The following CTDSPL variants were observed in gnomAD, a reference collection of about 807,000 sequenced individuals.
CTDSPL encodes the protein CTD small phosphatase-like protein.
A neutral mutation model predicts 30.5 loss-of-function variants in CTDSPL; 8 were observed. The ratio of observed to expected loss-of-function variants is 0.26; its 90% CI spans 0.15 to 0.47. The LOEUF is 0.47. Ranked by LOEUF, CTDSPL falls within the 20% of genes least tolerant of loss-of-function variation. CTDSPL has a pLI of 0.99. For synonymous variants in CTDSPL, 110 were observed against 137.9 expected, an observed-to-expected ratio of 0.80 and a Z score of 1.42; for missense variants, 248 against 366.1, an observed-to-expected ratio of 0.68 and a Z score of 2.63.
chr3:37,866,911 G>A (rs1309181712), intron 1 of CTDSPL, among the ~76,000 whole-genome samples: 1 of 152,180 alleles, frequency 6.6e-6, no homozygotes, highest in Non-Finnish European at 1.5e-5. Context: ...TTTATTTGGA[G>A]ATAACTGTAA....
intron 1 of CTDSPL, among the ~76,000 whole-genome samples, chr3:37,945,269 G>T (rs1169086956): frequency 2.0e-5 from 3 of 150,254 alleles, no homozygotes; most frequent in African/African-American, 7.3e-5. Flanking sequence ...TCCCTATTTG[G>T]CATGTTCCAC....
chr3:37,916,790 T>C (rs1698654838), intron 1 of CTDSPL, among the ~76,000 whole-genome samples: 1 of 152,210 alleles, frequency 6.6e-6, no homozygotes, highest in Non-Finnish European at 1.5e-5. Flanking sequence ...CTTTATAATG[T>C]ACAGAGTACT....
At chr3:37,875,117 A>T (rs961723105) in intron 1 of CTDSPL, among the ~76,000 whole-genome samples, 1 of 152,224 alleles carries the variant, frequency 6.6e-6, no homozygotes, top group African/African-American at 2.4e-5. Context: ...GCTCTGAAAT[A>T]ATATCAAATA....
intron 1 of CTDSPL, among the ~76,000 whole-genome samples, chr3:37,918,460 A>C (rs960893019): frequency 1.3e-5 from 2 of 151,484 alleles, no homozygotes. Flanking sequence ...CATTTTCTTT[A>C]TTTCTTGGAG....
At chr3:37,867,823 C>T (rs1043989209) in intron 1 of CTDSPL, among the ~76,000 whole-genome samples, 1 of 152,168 alleles carries the variant, frequency 6.6e-6, no homozygotes, top group Non-Finnish European at 1.5e-5. Flanking sequence ...ACCTTACTCA[C>T]ATTTCACCAG....
intron 1 of CTDSPL, among the ~76,000 whole-genome samples, chr3:37,896,470 G>A (rs1024536618): frequency 6.6e-6 from 1 of 152,198 alleles, no homozygotes. Flanking sequence ...TTATTCAATA[G>A]ATAGGTAGGA....
intron 1 of CTDSPL, among the ~76,000 whole-genome samples, chr3:37,910,738 A>C (rs1263079428): frequency 2.6e-5 from 4 of 152,208 alleles, no homozygotes; most frequent in Non-Finnish European, 5.9e-5. Context: ...TTCTCATGAA[A>C]AAAGTTTGCT....
intron 2 of CTDSPL, among the ~76,000 whole-genome samples, chr3:37,951,119 G>C (rs1374986673): frequency 6.6e-6 from 1 of 152,150 alleles, no homozygotes; most frequent in Non-Finnish European, 1.5e-5. Context: ...CGTAATCCCA[G>C]CACTTTGGGA....
rs746788159 is a variant in CTDSPL at position 37,862,463 on chromosome 3, G to A, written c.79+185G>A. ...GTGCGTGTGCCGACTGAGCCAGTGT[G>A]AGTGTGCAGGGGCTGGCGGAGAGAC... is the stretch of plus-strand genomic sequence containing the variant. On this transcript the variant is annotated intron_variant, in intron 1 of 7. Transcript: ENST00000273179. The surrounding 1 kb of genome is among the most constrained non-coding windows in gnomAD (Gnocchi z 4.3). Among the ~76,000 whole-genome samples, 1 of 152,162 alleles carries A rather than the reference G, an allele frequency of 6.6e-6. No individual in the cohort carries two copies. The highest frequency in any genetic ancestry group is 1.5e-5 in the Non-Finnish European group (1 of 68,014).
chr3:37,862,398 T>G lies in CTDSPL; in HGVS notation c.79+120T>G, dbSNP rs1432201387. The stretch of plus-strand genomic sequence containing the variant: ...GGGTGCACAGGGCCCGGAGGGTGCG[T>G]GGGTGTGGGGTGCGCCCGGAGGAGA... On this transcript the variant is annotated intron_variant, in intron 1 of 7. Transcript: ENST00000273179. This position sits in a 1 kb window ranked among gnomAD's most constrained non-coding sequence, Gnocchi z 4.3. 1.3e-6 allele frequency: 1 copy of G among 797,366 alleles called. No homozygotes were observed. The allele number at this position is 797,366 out of a possible 1,614,324, so 49.4% of individuals were successfully genotyped here.
At chr3:37,921,662 G>A (rs562620366) in intron 1 of CTDSPL, among the ~76,000 whole-genome samples, 2 of 149,120 alleles carry the variant, frequency 1.3e-5, no homozygotes, top group Non-Finnish European at 3.0e-5. Flanking sequence ...AACACAAACA[G>A]TATATGCAGC....
intron 2 of CTDSPL, chr3:37,954,987 T>G (rs1283482030): frequency 6.6e-6 from 1 of 152,238 alleles, no homozygotes; most frequent in Non-Finnish European, 1.5e-5. Flanking sequence ...GGGCATTTTT[T>G]CAGGCCCTTC....
At chr3:37,971,246 C>T (rs1426705316) in intron 5 of CTDSPL, among the ~76,000 whole-genome samples, 161 bp from the exon 6 acceptor site, 1 of 152,222 alleles carries the variant, frequency 6.6e-6, no homozygotes, top group Admixed American at 6.5e-5. Flanking sequence ...CGTCTGACTC[C>T]ATAGCCCCTC....
At chr3:37,881,475 G>A (rs1332337646) in intron 1 of CTDSPL, among the ~76,000 whole-genome samples, 1 of 152,194 alleles carries the variant, frequency 6.6e-6, no homozygotes, top group African/African-American at 2.4e-5. Flanking sequence ...GTTGCAGTGA[G>A]CCAAGATCGC....
intron 3 of CTDSPL, among the ~76,000 whole-genome samples, chr3:37,961,074 C>A (rs1049042143): frequency 6.6e-6 from 1 of 151,960 alleles, no homozygotes; most frequent in Non-Finnish European, 1.5e-5. Context: ...CACCATTATA[C>A]CTTTAAATCT....
rs140056092 is a variant in CTDSPL at position 37,909,111 on chromosome 3, G to A, written c.80-37946G>A. Among the ~76,000 whole-genome samples, 14 of 152,204 alleles carry A rather than the reference G, an allele frequency of 9.2e-5. No individual in the cohort carries two copies. In the East Asian group the frequency reaches 2.7e-3, roughly 29 times the overall value. On this transcript the variant is annotated intron_variant, in intron 1 of 7. Coordinates refer to ENST00000273179, the MANE Select transcript of CTDSPL (RefSeq NM_001008392.2). ...TTATTTTGTTGGGCTAAATAAAAAT[G>A]AAGATACCCTTTTGGCTAAATTCAA...
chr3:37,977,009 GA>G (rs1294476372), intron 7 of CTDSPL, among the ~76,000 whole-genome samples: 4 of 152,044 alleles, frequency 2.6e-5, no homozygotes, highest in African/African-American at 9.7e-5. Flanking sequence ...CTTGAATCCA[GA>G]ACTCTGCAGT....
chr3:37,982,307 C>G lies in CTDSPL; in HGVS notation c.*1440C>G, dbSNP rs1028810167. ...AAACCAGGGAGAGGAAGAGCTCCCA[C>G]AGGGAGAGCCCAGGCTCTCTTTGCA... On this transcript the variant is annotated 3_prime_UTR_variant, in exon 8 of 8. Coordinates refer to ENST00000273179, the MANE Select transcript of CTDSPL (RefSeq NM_001008392.2). 5.9e-6 allele frequency: 2 copies of G among 336,368 alleles called. No homozygotes were observed. Among genetic ancestry groups the G allele is most frequent in the Non-Finnish European group, 1.2e-5 (2 of 170,894 alleles). The allele number at this position is 336,368 out of a possible 1,614,324, so 20.8% of individuals were successfully genotyped here. A position where few individuals can be genotyped will look rare whatever the true frequency, so the allele number is the denominator to read the frequency against.
intron 1 of CTDSPL, among the ~76,000 whole-genome samples, chr3:37,934,463 A>AG (rs1378503423): frequency 6.6e-6 from 1 of 152,252 alleles, no homozygotes; most frequent in Admixed American, 6.5e-5. Flanking sequence ...AACATGATAT[A>AG]GATTGTACGA....
Sources: gnomAD v4.1 joint callset for allele counts (sites outside exome capture counted in the v4.1 genomes callset) on GRCh38, gnomAD v4.1.1 for gene constraint, Gnocchi (gnomAD v3.1) non-coding constraint, MANE v1.5 for transcripts, NCBI Gene and HGNC (gene_info 2026-07-23, HGNC 2026-07-21) for gene names.